Variants in CENPC observed in about 807,000 individuals in gnomAD.
CENPC encodes centromere protein C, also known as CENP-C 1.
In CENPC, 63 loss-of-function variants were observed where a neutral mutation model predicts 112.1. The observed-to-expected ratio is 0.56, with a 90% CI of 0.46 to 0.69. The LOEUF is 0.69. Among genes scored for constraint, CENPC ranks in the 30% least tolerant of loss-of-function variants. The pLI is 0.00. For synonymous variants in CENPC, 333 were observed against 367.6 expected (o/e 0.91, Z 1.08); for missense variants, 1,000 against 1,103.8 (o/e 0.91, Z 1.33).
At chr4:67,484,997 G>C (rs1397482021) in intron 17 of CENPC, among the ~76,000 whole-genome samples, 2 of 152,162 alleles carry the variant, frequency 1.3e-5, no homozygotes, top group Non-Finnish European at 2.9e-5. Context: ...GGAGGCTGAG[G>C]CAGGAGAATG....
intron 13 of CENPC, among the ~76,000 whole-genome samples, chr4:67,494,238 CATCTT>C (rs1273037901): frequency 7.2e-5 from 11 of 152,160 alleles, no homozygotes; most frequent in African/African-American, 2.4e-4. Flanking sequence ...AATGTACACT[CATCTT>C]ATCTGAACAA....
rs79138011 is a variant in CENPC, at chr4:67,490,735, C to G, written c.2516-614G>C. Among the ~76,000 whole-genome samples, 613 of 150,424 alleles carry G rather than the reference C, an allele frequency of 4.1e-3. 4 individuals carry two copies. Among genetic ancestry groups the G allele is most frequent in the African/African-American group, 0.014 (589 of 41,050 alleles). On this transcript the variant is annotated intron_variant, in intron 16 of 18. Coordinates refer to ENST00000273853, the MANE Select transcript of CENPC (RefSeq NM_001812.4). The stretch of plus-strand genomic sequence containing the variant: ...ATTTCCATTACTTAACAAACTTTTC[C>G]AGATCTATAATTAATAAATTATTCT...
intron 12 of CENPC, among the ~76,000 whole-genome samples, chr4:67,496,843 G>A (rs956185867): frequency 3.3e-5 from 5 of 151,878 alleles, no homozygotes; most frequent in South Asian, 2.1e-4. Flanking sequence ...TTAATTATAT[G>A]GTATGTGAAG....
intron 12 of CENPC, among the ~76,000 whole-genome samples, chr4:67,498,191 C>G (rs1022080463): frequency 9.9e-5 from 15 of 152,170 alleles, no homozygotes; most frequent in African/African-American, 3.6e-4. Context: ...GCCGAGATCA[C>G]ACCACTGCAC....
In CENPC at chr4:67,495,265, A is replaced by C. The variant is rs1166573333; in HGVS notation, c.2132-53T>G. 3.5e-6 allele frequency: 5 copies of C among 1,429,268 alleles called. No individual in the cohort carries two copies. In the African/African-American group the frequency reaches 7.3e-5, roughly 21 times the overall value. 88.5% of individuals were successfully genotyped at this position (1,429,268 alleles called of 1,614,324 possible). A position where few individuals can be genotyped will look rare whatever the true frequency, so the allele number is the denominator to read the frequency against. On this transcript the variant is annotated intron_variant, in intron 12 of 18. Transcript: ENST00000273853. ...AGAAATGACTGCTAATTCCATGTTAAATTAAAATGTGTTTCCTGGTCAATT... is the reference window on the plus strand; with the variant it reads ...AGAAATGACTGCTAATTCCATGTTACATTAAAATGTGTTTCCTGGTCAATT...
At chr4:67,513,411 AAATTAGTGTGT>A (rs1725952475) in intron 8 of CENPC, among the ~76,000 whole-genome samples, 1 of 152,194 alleles carries the variant, frequency 6.6e-6, no homozygotes. Context: ...ATATATGTAA[AAATTAGTGTGT>A]AGAATATAGC....
At chr4:67,484,440 G>C (rs538648261) in intron 17 of CENPC, among the ~76,000 whole-genome samples, 25 of 152,320 alleles carry the variant, frequency 1.6e-4, no homozygotes, top group African/African-American at 6.0e-4. Flanking sequence ...TTAGGAATGG[G>C]CTCACACAGC....
At chr4:67,525,699 A>G (rs1167202903) in intron 5 of CENPC, among the ~76,000 whole-genome samples, 1 of 152,256 alleles carries the variant, frequency 6.6e-6, no homozygotes, top group Non-Finnish European at 1.5e-5. Context: ...GTGGAGAAAC[A>G]GGAAGACTTT....
intron 17 of CENPC, among the ~76,000 whole-genome samples, chr4:67,477,617 A>G (rs2109760455): frequency 6.6e-6 from 1 of 152,296 alleles, no homozygotes. Flanking sequence ...AACCAGAAAA[A>G]CAATTCTGGT....
rs2109836636 is a variant in CENPC, at chr4:67,541,059, G to A, written c.66-9C>T. ...TGTTAATGTCACGTGCCCTAATAAAGGAAAAATACAGCCTGTCATTTTCAG... is the reference window on the plus strand; with the variant it reads ...TGTTAATGTCACGTGCCCTAATAAAAGAAAAATACAGCCTGTCATTTTCAG... On this transcript the variant is annotated splice_polypyrimidine_tract_variant and intron_variant, in intron 2 of 18. Transcript: ENST00000273853. 1.3e-6 allele frequency: 2 copies of A among 1,583,314 alleles called. No individual in the cohort carries two copies. The highest frequency in any genetic ancestry group is 2.3e-5 in the South Asian group (2 of 86,526).
intron 5 of CENPC, among the ~76,000 whole-genome samples, chr4:67,520,367 A>G (rs1482749411): frequency 6.6e-6 from 1 of 152,122 alleles, no homozygotes; most frequent in African/African-American, 2.4e-5. Context: ...CCTGACCTTC[A>G]CAGCCCAAGG....
chr4:67,475,792 G>A (rs960631997), intron 17 of CENPC, among the ~76,000 whole-genome samples: 13 of 151,998 alleles, frequency 8.6e-5, no homozygotes, highest in Admixed American at 4.6e-4. Context: ...TAGTAGAGAC[G>A]GGGTTTCACC....
intron 5 of CENPC, among the ~76,000 whole-genome samples, chr4:67,521,042 T>C (rs937829804): frequency 1.5e-4 from 22 of 150,178 alleles, no homozygotes; most frequent in South Asian, 6.3e-4. Flanking sequence ...AATAAATAAA[T>C]AAATAAATAA....
intron 7 of CENPC, among the ~76,000 whole-genome samples, chr4:67,515,956 A>G (rs1486333549): frequency 6.6e-6 from 1 of 152,056 alleles, no homozygotes; most frequent in African/African-American, 2.4e-5. Flanking sequence ...ATTTTACTAA[A>G]AGGCAGAAAG....
rs1726120596 is a variant in CENPC at position 67,518,353 on chromosome 4, A to G, written c.633T>C (p.Asp211=). The change falls in exon 7 of 19, where the codon GAT becomes GAC. Residue 211 remains aspartate (D), a synonymous_variant. Coordinates refer to ENST00000273853, the MANE Select transcript of CENPC (RefSeq NM_001812.4). ...TTTCTATTTTCTTTAACATAACTTT[A>G]TCATCAAAGTTTAACCTAAAAGGTT... The part of the protein sequence containing the change: ...VKTKKRLNFD[D]KVMLKKIEID... 6.5e-7 allele frequency: 1 copy of G among 1,527,032 alleles called. No individual in the cohort carries two copies. The highest frequency in any genetic ancestry group is 2.2e-5 in the Admixed American group (1 of 45,068). The allele number at this position is 1,527,032 out of a possible 1,614,324, so 94.6% of individuals were successfully genotyped here. A position where few individuals can be genotyped will look rare whatever the true frequency, so the allele number is the denominator to read the frequency against.
At chr4:67,529,867 C>A (rs551780277) in intron 5 of CENPC, among the ~76,000 whole-genome samples, 36 of 152,070 alleles carry the variant, frequency 2.4e-4, no homozygotes, top group African/African-American at 8.0e-4. Flanking sequence ...CTATTAGTAA[C>A]AAGAGTATTG....
rs1171599595 is a variant in CENPC at position 67,490,011 on chromosome 4, G to A, written c.2626C>T (p.Pro876Ser). Reference protein sequence around the residue: ...FFSTGKLILGPQEEKGKQHVG... With the variant: ...FFSTGKLILGSQEEKGKQHVG... Reference sequence around the variant, plus strand: ...TGCTGCTTTCCCTTTTCTTCTTGTGGTCCTAATATCAATTTCCCAGTAGAA... The same window carrying A: ...TGCTGCTTTCCCTTTTCTTCTTGTGATCCTAATATCAATTTCCCAGTAGAA... The change falls in exon 17 of 19, where the codon CCA becomes TCA. Residue 876 changes from proline to serine, a missense_variant. Transcript: ENST00000273853. 12 of 1,598,916 alleles carry A rather than the reference G, an allele frequency of 7.5e-6. No individual in the cohort carries two copies. The Admixed American group carries it at 8.6e-5, about 11-fold the overall frequency.
chr4:67,474,087 C>A (rs900346304), intron 18 of CENPC, among the ~76,000 whole-genome samples: 6 of 150,922 alleles, frequency 4.0e-5, no homozygotes, highest in Non-Finnish European at 8.8e-5. Flanking sequence ...TTTTTTGAGA[C>A]CGAGTCTCAC....
chr4:67,529,288 C>T (rs1454863196), intron 5 of CENPC, among the ~76,000 whole-genome samples: 1 of 151,994 alleles, frequency 6.6e-6, no homozygotes, highest in Non-Finnish European at 1.5e-5. Context: ...TCTGGTTGCC[C>T]TTTCACACTC....
Sources: allele counts gnomAD v4.1 joint callset (sites outside exome capture counted in the v4.1 genomes callset), GRCh38; gene constraint gnomAD v4.1.1; transcripts MANE v1.5; gene names NCBI Gene and HGNC (gene_info 2026-07-23, HGNC 2026-07-21).